Variants in VPS13C observed in about 807,000 individuals in gnomAD.
VPS13C encodes vacuolar protein sorting 13 homolog C.
VPS13C carries 358 observed loss-of-function variants against 456.8 expected under a neutral mutation model. The ratio of observed to expected loss-of-function variants is 0.78; its 90% CI spans 0.72 to 0.86. The LOEUF (loss-of-function observed/expected upper bound fraction) is 0.86. Among genes scored for constraint, VPS13C ranks in the 40% least tolerant of loss-of-function variants. The probability of loss-of-function intolerance (pLI) is 0.00; values close to 1 mark genes in which losing one functional copy is unlikely to be tolerated. For missense variants in VPS13C, 4,818 were observed against 4,385.4 expected (o/e 1.10, Z -2.79); for synonymous variants, 1,578 against 1,486.7 (o/e 1.06, Z -1.41).
rs1596322021 is a variant in VPS13C at position 61,911,780 on chromosome 15, T to C, written c.8715+60A>G. The C allele has an allele frequency of 4.2e-6, 6 of 1,420,180 alleles. No individual in the cohort carries two copies. In the East Asian group the frequency reaches 1.5e-4, roughly 36 times the overall value. 88.0% of individuals were successfully genotyped at this position (1,420,180 alleles called of 1,614,324 possible). ...AAAAAGAGGTATATACAATTCTTAT[T>C]TAGATGTCAATATTTATTTGTATAT... On this transcript the variant is annotated intron_variant, in intron 63 of 84. Coordinates refer to ENST00000644861, the MANE Select transcript of VPS13C (RefSeq NM_020821.3).
chr15:61,869,711 C>G (rs1309005646), intron 79 of VPS13C, 88 bp from the exon 80 acceptor site: 9 of 1,553,328 alleles, frequency 5.8e-6, no homozygotes, highest in Non-Finnish European at 6.1e-6. Flanking sequence ...AGATACTGAA[C>G]TGTTTTACCC....
At position 61,921,982 on chromosome 15, in the gene VPS13C, C is replaced by A. The variant is rs1249477262; in HGVS notation, c.7027G>T (p.Val2343Leu). 1 of 1,613,532 alleles carries A rather than the reference C, an allele frequency of 6.2e-7. No individual in the cohort carries two copies. The highest frequency in any genetic ancestry group is 8.5e-7 in the Non-Finnish European group (1 of 1,179,670). ...AAATTCCATTGTCTCTTCCCCTCCA[C>A]TCTCTCAATCAGTGGCTCCCAGACA... ...HAVWEPLIER[V>L]EGKRQWNLRL... is the part of the protein sequence containing the mutation. The change falls in exon 55 of 85, where the codon GTG (valine) becomes TTG (leucine). Residue 2343 changes from valine to leucine, a missense_variant. Physicochemically the swap from Val to Leu is conservative, Grantham distance 32. Transcript: ENST00000644861.
intron 18 of VPS13C, among the ~76,000 whole-genome samples, chr15:61,990,585 C>A (rs2046194627): frequency 6.6e-6 from 1 of 152,038 alleles, no homozygotes; most frequent in African/African-American, 2.4e-5. Context: ...CCGAGGAAGG[C>A]AGGTCACCTG....
chr15:61,972,018 G>A (rs1254681212), intron 27 of VPS13C, among the ~76,000 whole-genome samples: 1 of 151,974 alleles, frequency 6.6e-6, no homozygotes, highest in African/African-American at 2.4e-5. Context: ...AAAGTAAGCA[G>A]GCATGTATAA....
At position 62,044,242 on chromosome 15, in the gene VPS13C, TA is replaced by T; in HGVS notation, c.113del (p.Leu38Ter). On this transcript the variant is annotated frameshift_variant, in exon 2 of 85. Transcript: ENST00000644861. LOFTEE classifies it high-confidence loss of function. ...CATTTTCTTTTATCTGTAGATTATC[TA>T]AAGCCACATTTCCTTTAAAAAAAGA... ...KLGIWGGNVA[L>X]DNLQIKENAL... The T allele has an allele frequency of 6.8e-7, 1 of 1,478,350 alleles. No homozygotes were observed. Among genetic ancestry groups the T allele is most frequent in the Non-Finnish European group, 9.3e-7 (1 of 1,075,924 alleles). The allele number at this position is 1,478,350 out of a possible 1,614,324, so 91.6% of individuals were successfully genotyped here. A position where few individuals can be genotyped will look rare whatever the true frequency, so the allele number is the denominator to read the frequency against.
Position 61,911,863 on chromosome 15 carries a change from A to G in VPS13C, c.8692T>C (p.Trp2898Arg), listed in dbSNP as rs750224326. Residue 2898 changes from tryptophan to arginine, a missense_variant, in exon 63 of 85, where the codon TGG (tryptophan) becomes CGG (arginine). Physicochemically the swap from Trp to Arg is moderately radical, Grantham distance 101. Around this residue, in one of 3 missense-constraint regions of VPS13C, gnomAD observed 4,552 missense variants for 4,130.6 expected, o/e 1.10. Coordinates refer to ENST00000644861, the MANE Select transcript of VPS13C (RefSeq NM_020821.3). ...ASDGSMPTNK[W>R]NYIASSECLP... ...ACCTCTGAAGAAGCAATATAGTTCC[A>G]TTTATTAGTTGGCATTGAGCCATCA... 1.4e-5 allele frequency: 23 copies of G among 1,611,240 alleles called. No individual in the cohort carries two copies. Among genetic ancestry groups the G allele is most frequent in the East Asian group, 2.2e-5 (1 of 44,772 alleles).
intron 1 of VPS13C, among the ~76,000 whole-genome samples, chr15:62,048,924 T>C (rs1159552158): frequency 6.6e-6 from 1 of 152,170 alleles, no homozygotes; most frequent in African/African-American, 2.4e-5. Flanking sequence ...TCTGTTCATA[T>C]CCTTTGCCCA....
chr15:61,984,051 G>C, intron 19 of VPS13C, 39 bp from the exon 20 acceptor site: 1 of 1,573,064 alleles, frequency 6.4e-7, no homozygotes, highest in Non-Finnish European at 8.6e-7. Context: ...TGCAGACAAG[G>C]TCTTTTGTAA....
At position 62,010,519 on chromosome 15, in the gene VPS13C, A is replaced by G. The variant is rs1318530106; in HGVS notation, c.964T>C (p.Cys322Arg). 1 of 1,613,458 alleles carries G rather than the reference A, an allele frequency of 6.2e-7. No individual in the cohort carries two copies. ...GCAATATTTTGTATTTCTATGTTGC[A>G]ATCCAGTTTGGGCGTTTTGAGCTCT... ...ESELKTPKLD[C>R]NIEIQNIAIE... The change falls in exon 13 of 85, where the codon TGC becomes CGC. Residue 322 changes from cysteine (C) to arginine (R), a missense_variant. By Grantham distance (180) the Cys-to-Arg change is radical. Around this residue, in one of 3 missense-constraint regions of VPS13C, gnomAD observed 4,552 missense variants for 4,130.6 expected, o/e 1.10. Transcript: ENST00000644861.
In VPS13C at chr15:61,937,667, G is replaced by A. The variant is rs148631249; in HGVS notation, c.5602-917C>T. Among the ~76,000 whole-genome samples, 523 of 152,170 alleles carry A rather than the reference G, an allele frequency of 3.4e-3. 3 individuals are homozygous for A. The highest frequency in any genetic ancestry group is 0.018 in the East Asian group (91 of 5,160). On this transcript the variant is annotated intron_variant, in intron 47 of 84. Coordinates refer to ENST00000644861, the MANE Select transcript of VPS13C (RefSeq NM_020821.3). ...TTTTTTGTATTTTTAGTAGAGACGTGGTTTCACCATGTTAGCCAGGATGGT... is the reference window on the plus strand; with the variant it reads ...TTTTTTGTATTTTTAGTAGAGACGTAGTTTCACCATGTTAGCCAGGATGGT...
In VPS13C at chr15:61,907,311, G is replaced by C; in HGVS notation, c.9058C>G (p.Leu3020Val). ...ACATTTGCTGCATATGTCCATGTAA[G>C]TTTTCTGGTACCAGTAGGATCTGCC... is the stretch of plus-strand genomic sequence containing the variant. ...AWADPTGTRK[L>V]TWTYAANVGE... is the part of the protein sequence containing the mutation. The change falls in exon 66 of 85, where the codon CTT (leucine) becomes GTT (valine). Residue 3020 changes from leucine (L) to valine (V), a missense_variant. By Grantham distance (32) the Leu-to-Val change is conservative. Around this residue, in one of 3 missense-constraint regions of VPS13C, gnomAD observed 4,552 missense variants for 4,130.6 expected, o/e 1.10. Coordinates refer to ENST00000644861, the MANE Select transcript of VPS13C (RefSeq NM_020821.3). 1 of 1,614,002 alleles carries C rather than the reference G, an allele frequency of 6.2e-7. No homozygotes were observed. Among genetic ancestry groups the C allele is most frequent in the Non-Finnish European group, 8.5e-7 (1 of 1,179,884 alleles).
chr15:61,996,749 T>C (rs1409916816), intron 16 of VPS13C, among the ~76,000 whole-genome samples: 1 of 149,330 alleles, frequency 6.7e-6, no homozygotes, highest in Non-Finnish European at 1.5e-5. Context: ...AATAGCAAAA[T>C]GAAGATGACA....
At chr15:62,034,816 G>T in intron 4 of VPS13C, 141 bp downstream of exon 4, 3 of 493,686 alleles carry the variant, frequency 6.1e-6, no homozygotes, top group Non-Finnish European at 7.2e-6. Flanking sequence ...ATAAAAGTAT[G>T]CATATAAGTG....
Position 62,030,120 on chromosome 15 carries a change from T to C in VPS13C, c.386-1700A>G, listed in dbSNP as rs141776590. Among the ~76,000 whole-genome samples the C allele has an allele frequency of 7.5e-3, 1,145 of 152,170 alleles. 9 individuals are homozygous for C. Among genetic ancestry groups the C allele is most frequent in the African/African-American group, 0.026 (1,084 of 41,514 alleles). On this transcript the variant is annotated intron_variant, in intron 5 of 84. Coordinates refer to ENST00000644861, the MANE Select transcript of VPS13C (RefSeq NM_020821.3). ...AGTACCAACAGATGGGTTTACACGA[T>C]TGGAAAATACTATCATTTCTCATAT... is the stretch of plus-strand genomic sequence containing the variant.
Position 62,010,462 on chromosome 15 carries a change from T to A in VPS13C, c.1011+10A>T. ...CTAATCAAAGCTGGAAATATCCACA[T>A]GAATCATACCTGAGGTTTGGTCAGT... On this transcript the variant is annotated intron_variant, in intron 13 of 84. Coordinates refer to ENST00000644861, the MANE Select transcript of VPS13C (RefSeq NM_020821.3). 2 of 1,584,572 alleles carry A rather than the reference T, an allele frequency of 1.3e-6. No homozygotes were observed. Among genetic ancestry groups the A allele is most frequent in the Non-Finnish European group, 1.7e-6 (2 of 1,167,102 alleles).
rs748103123 is a variant in VPS13C at position 61,915,701 on chromosome 15, G to A, written c.8377C>T (p.His2793Tyr). Residue 2793 changes from histidine (H) to tyrosine (Y), a missense_variant, in exon 61 of 85, where the codon CAT (histidine) becomes TAT (tyrosine). Physicochemically the swap from His to Tyr is moderately conservative, Grantham distance 83. Coordinates refer to ENST00000644861, the MANE Select transcript of VPS13C (RefSeq NM_020821.3). ...ATAATATCCCTGAAATCAGCTGGAT[G>A]TTTCACATGAATATCTTCTGAACGA... ...QYRSEDIHVK[H>Y]PADFRDIILF... The A allele has an allele frequency of 6.2e-7, 1 of 1,611,688 alleles. No individual in the cohort carries two copies. The highest frequency in any genetic ancestry group is 1.1e-5 in the South Asian group (1 of 89,956).
At chr15:62,050,973 C>T (rs1366238339) in intron 1 of VPS13C, among the ~76,000 whole-genome samples, 2 of 148,280 alleles carry the variant, frequency 1.3e-5, no homozygotes, top group African/African-American at 2.5e-5. Flanking sequence ...TTATAGAAAA[C>T]AACCAAGCTA....
intron 9 of VPS13C, 31 bp downstream of exon 9, chr15:62,020,448 C>T: frequency 6.3e-7 from 1 of 1,587,314 alleles, no homozygotes. Flanking sequence ...TTTACAGGTT[C>T]CATAGAAGTT....
chr15:62,011,109 C>G (rs2047024247), intron 12 of VPS13C, among the ~76,000 whole-genome samples: 1 of 152,056 alleles, frequency 6.6e-6, no homozygotes, highest in South Asian at 2.1e-4. Context: ...ACCTTAGAAT[C>G]AACTAAAGAA....
Sources: gnomAD v4.1 joint callset for allele counts (sites outside exome capture counted in the v4.1 genomes callset) on GRCh38, gnomAD v4.1.1 for gene constraint, gnomAD v4.1.1 regional missense constraint, MANE v1.5 for transcripts, NCBI Gene and HGNC (gene_info 2026-07-23, HGNC 2026-07-21) for gene names.